The following HEG1 variants were observed in gnomAD, a reference collection of about 807,000 sequenced individuals.
HEG1 encodes protein HEG homolog 1.
In HEG1, 56 loss-of-function variants were observed where a neutral mutation model predicts 125.6. The ratio of observed to expected loss-of-function variants is 0.45; its 90% confidence interval spans 0.36 to 0.56. The LOEUF (loss-of-function observed/expected upper bound fraction) is 0.56. Among genes scored for constraint, HEG1 ranks in the 20% least tolerant of loss-of-function variants. The pLI is 0.00. For missense variants in HEG1, 1,523 were observed against 1,670.0 expected (o/e 0.91, Z 1.53); for synonymous variants, 644 against 668.5 (o/e 0.96, Z 0.57).
intron 1 of HEG1, among the ~76,000 whole-genome samples, chr3:125,031,292 G>A (rs1263505726): frequency 1.3e-5 from 2 of 152,084 alleles, no homozygotes; most frequent in East Asian, 1.9e-4. Context: ...TGGGTGCCAG[G>A]CCCCTAAAAA....
At chr3:125,009,452 A>C (rs1937118851) in intron 8 of HEG1, 1 of 262,394 alleles carries the variant, frequency 3.8e-6, no homozygotes, top group African/African-American at 2.2e-5. Context: ...AATGTTTAAG[A>C]TATAAAGTTT....
At chr3:125,023,694 C>G (rs1937371692) in intron 3 of HEG1, among the ~76,000 whole-genome samples, 1 of 152,190 alleles carries the variant, frequency 6.6e-6, no homozygotes, top group African/African-American at 2.4e-5. Context: ...TTCTAATCAA[C>G]AGGCTGGATT....
chr3:125,013,536 C>T lies in HEG1; in HGVS notation c.2043G>A (p.Val681=), dbSNP rs1218485254. Residue 681 remains valine (V), a synonymous_variant, in exon 6 of 17, where the codon GTG becomes GTA. Coordinates refer to ENST00000311127, the MANE Select transcript of HEG1 (RefSeq NM_020733.2). ...SSGPPLPLPS[V]SQSHHLFSSI... is the part of the protein sequence containing the mutation. ...ATGAAAATAAATGGTGGGATTGTGA[C>T]ACAGAGGGCAGAGGCAAAGGAGGCC... 7 of 1,604,644 alleles carry T rather than the reference C, an allele frequency of 4.4e-6. No individual in the cohort carries two copies. Among genetic ancestry groups the T allele is most frequent in the South Asian group, 2.2e-5 (2 of 90,170 alleles).
At chr3:125,001,137 C>A (rs1936992874) in intron 11 of HEG1, among the ~76,000 whole-genome samples, 1 of 152,064 alleles carries the variant, frequency 6.6e-6, no homozygotes, top group Non-Finnish European at 1.5e-5. Flanking sequence ...TTTATGGCGC[C>A]ACTGTGGGCA....
Position 125,055,933 on chromosome 3 carries a change from C to CTAGGGCA in HEG1, c.-44_-43insTGCCCTA. The stretch of plus-strand genomic sequence containing the variant: ...GCGCTCACATGCCCGGCGCGCGGGG[C>CTAGGGCA]GAGGGCAGCGGGCAGCGGGCAGCGG... On this transcript the variant is annotated 5_prime_UTR_variant, in exon 1 of 17. Coordinates refer to ENST00000311127, the MANE Select transcript of HEG1 (RefSeq NM_020733.2). The CTAGGGCA allele has an allele frequency of 1.8e-6, 1 of 546,978 alleles. No individual in the cohort carries two copies. The highest frequency in any genetic ancestry group is 2.2e-6 in the Non-Finnish European group (1 of 462,948). 33.9% of individuals were successfully genotyped at this position (546,978 alleles called of 1,614,324 possible).
intron 14 of HEG1, among the ~76,000 whole-genome samples, chr3:124,988,234 A>C (rs1936775786): frequency 6.6e-6 from 1 of 151,886 alleles, no homozygotes; most frequent in Non-Finnish European, 1.5e-5. Context: ...AGGCATAGAT[A>C]TCCTCCTAAA....
At chr3:125,023,859 C>G (rs1221150798) in intron 3 of HEG1, among the ~76,000 whole-genome samples, 1 of 152,234 alleles carries the variant, frequency 6.6e-6, no homozygotes. Context: ...GCTAAAAGTA[C>G]ATGGGTCTCT....
intron 16 of HEG1, 136 bp downstream of exon 16, chr3:124,973,595 C>T: frequency 3.3e-6 from 2 of 614,614 alleles, no homozygotes; most frequent in Middle Eastern, 4.2e-4. Flanking sequence ...GGTAAACTGA[C>T]TAGTAAATCA....
intron 14 of HEG1, among the ~76,000 whole-genome samples, chr3:124,989,709 A>C (rs1936797480): frequency 6.6e-6 from 1 of 152,122 alleles, no homozygotes; most frequent in Non-Finnish European, 1.5e-5. Context: ...AGGACTCCTA[A>C]GTGTGTCTCT....
intron 14 of HEG1, among the ~76,000 whole-genome samples, chr3:124,984,196 G>A (rs192225488): frequency 6.6e-6 from 1 of 152,278 alleles, no homozygotes; most frequent in Admixed American, 6.5e-5. Flanking sequence ...GGAAGACAGT[G>A]TAGAAAGATA....
At chr3:124,985,264 T>G (rs748015623) in intron 14 of HEG1, among the ~76,000 whole-genome samples, 35 of 152,168 alleles carry the variant, frequency 2.3e-4, no homozygotes, top group Admixed American at 3.9e-4. Flanking sequence ...TAAGGAAACA[T>G]GGTGAACATA....
chr3:124,984,997 G>A lies in HEG1; in HGVS notation c.3733+5790C>T, dbSNP rs1022155119. Among the ~76,000 whole-genome samples the A allele has an allele frequency of 2.0e-5, 3 of 152,114 alleles. No individual in the cohort carries two copies. In the South Asian group the frequency reaches 6.2e-4, roughly 32 times the overall value. On this transcript the variant is annotated intron_variant, in intron 14 of 16. Transcript: ENST00000311127. ...CACAGTTTACTAGGTTTAAAAGCAG[G>A]TTACAGAACAGTATGTTCAGTGAGA...
intron 6 of HEG1, among the ~76,000 whole-genome samples, chr3:125,011,370 A>G (rs1937155627): frequency 6.6e-6 from 1 of 152,232 alleles, no homozygotes; most frequent in Non-Finnish European, 1.5e-5. Flanking sequence ...ATATAGCCAA[A>G]CACTAACCCA....
chr3:124,996,615 T>C (rs1474595119), intron 12 of HEG1, among the ~76,000 whole-genome samples: 3 of 152,208 alleles, frequency 2.0e-5, no homozygotes, highest in African/African-American at 7.2e-5. Context: ...AGAAGAACTT[T>C]GTATCCAAAC....
intron 14 of HEG1, among the ~76,000 whole-genome samples, chr3:124,989,985 T>C (rs62267139): frequency 0.6 from 90,551 of 151,902 alleles, 27,237 homozygotes; most frequent in Middle Eastern, 0.66. Flanking sequence ...TCCAGCCACA[T>C]CCACTTACAC....
intron 14 of HEG1, among the ~76,000 whole-genome samples, chr3:124,982,726 C>A (rs1385369862): frequency 1.3e-5 from 2 of 152,188 alleles, no homozygotes; most frequent in Non-Finnish European, 2.9e-5. Context: ...TAGCCACCCC[C>A]CTTCTGAAAA....
chr3:124,977,206 C>T (rs886874907), intron 15 of HEG1, among the ~76,000 whole-genome samples: 2 of 152,192 alleles, frequency 1.3e-5, no homozygotes, highest in African/African-American at 2.4e-5. Context: ...TATGAGGCTT[C>T]CCCAGCCACT....
chr3:124,983,275 T>G (rs1255512298), intron 14 of HEG1, among the ~76,000 whole-genome samples: 1 of 152,202 alleles, frequency 6.6e-6, no homozygotes, highest in Non-Finnish European at 1.5e-5. Flanking sequence ...ATGCATTCAG[T>G]TCTCTCCATA....
In HEG1 at chr3:125,055,590, T is replaced by G; in HGVS notation, c.301A>C (p.Arg101=). 8.3e-7 allele frequency: 1 copy of G among 1,201,104 alleles called. No individual in the cohort carries two copies. Among genetic ancestry groups the G allele is most frequent in the Non-Finnish European group, 1.0e-6 (1 of 968,064 alleles). 74.4% of individuals were successfully genotyped at this position (1,201,104 alleles called of 1,614,324 possible). The part of the protein sequence containing the change: ...TQRGPSGRAP[R]GGSADAAWKH... ...TCTCACTCACCCGCGCTCCCGCCTC[T>G]GGGGGCCCGGCCGGAGGGTCCCCGC... is the stretch of plus-strand genomic sequence containing the variant. Residue 101 remains arginine, a synonymous_variant, in exon 1 of 17, where the codon AGA becomes CGA. Coordinates refer to ENST00000311127, the MANE Select transcript of HEG1 (RefSeq NM_020733.2).
Sources: allele counts gnomAD v4.1 joint callset (sites outside exome capture counted in the v4.1 genomes callset), GRCh38; gene constraint gnomAD v4.1.1; transcripts MANE v1.5; gene names NCBI Gene and HGNC (gene_info 2026-07-23, HGNC 2026-07-21).